NAV3: variants seen among roughly 807,000 people sequenced by gnomAD.
NAV3 encodes neuron navigator 3, also known as pore membrane and/or filament interacting like protein 1.
NAV3 carries 87 observed loss-of-function variants against 244.7 expected under a neutral mutation model. That is an observed-to-expected ratio of 0.36 (90% CI 0.30 to 0.42). NAV3 has a LOEUF of 0.42. Ranked by LOEUF, NAV3 falls within the 20% of genes least tolerant of loss-of-function variation. NAV3 has a pLI of 1.00. For missense variants in NAV3, 2,663 were observed against 2,893.3 expected, an observed-to-expected ratio of 0.92 and a Z score of 1.83; for synonymous variants, 1,126 against 1,042.2, an observed-to-expected ratio of 1.08 and a Z score of -1.55.
rs869100684 is a variant in NAV3 at position 77,976,662 on chromosome 12, C to CTTTTTTTTTTTTTTTTTTTTTT, written c.671+7963_671+7964insTTTTTTTTTTTTTTTTTTTTTT. 5.2e-5 allele frequency among the ~76,000 whole-genome samples: 4 copies of CTTTTTTTTTTTTTTTTTTTTTT among 77,400 alleles called. 1 individual carries two copies. Among genetic ancestry groups the CTTTTTTTTTTTTTTTTTTTTTT allele is most frequent in the Non-Finnish European group, 1.0e-4 (4 of 39,248 alleles). 50.8% of individuals were successfully genotyped at this position (77,400 alleles called of 152,430 possible). ...TACTGTATTCTTTCTTTCTTTCTTT[C>CTTTTTTTTTTTTTTTTTTTTTT]TTTCTTTTTTTCTTTTTTTTTTTTT... On this transcript the variant is annotated intron_variant, in intron 5 of 39. Coordinates refer to ENST00000397909, the MANE Select transcript of NAV3 (RefSeq NM_001024383.2).
rs771116649 is a variant in NAV3 at position 78,177,685 on chromosome 12, G to A, written c.5363G>A (p.Arg1788Gln). The change falls in exon 28 of 40, where the codon CGG becomes CAG. Residue 1788 changes from arginine (R) to glutamine (Q), a missense_variant and splice_region_variant. Transcript: ENST00000397909. ...NGPVIYKHRS[R>Q]ICECTEAEAE... ...CCTGTGATCTACAAGCATAGATCTC[G>A]GTAAAGTGGAGTGCGATGCATGAAT... The A allele has an allele frequency of 9.1e-5, 146 of 1,596,868 alleles. No individual in the cohort carries two copies. The East Asian group carries it at 2.8e-3, about 30-fold the overall frequency.
intron 12 of NAV3, among the ~76,000 whole-genome samples, chr12:78,110,829 T>A (rs534572975): frequency 1.3e-5 from 2 of 152,208 alleles, no homozygotes; most frequent in East Asian, 3.9e-4. Flanking sequence ...ATTGGAAGAC[T>A]ATCTGCCATT....
At chr12:78,178,611 CTG>C (rs1489952518) in intron 28 of NAV3, among the ~76,000 whole-genome samples, 1 of 152,086 alleles carries the variant, frequency 6.6e-6, no homozygotes, top group African/African-American at 2.4e-5. Flanking sequence ...AGATAATTCT[CTG>C]TGTTATTTAC....
chr12:77,706,686 C>A (rs1014510117), intron 2 of NAV3, among the ~76,000 whole-genome samples: 1 of 150,114 alleles, frequency 6.7e-6, no homozygotes, highest in Non-Finnish European at 1.5e-5. Flanking sequence ...CTGGCTAACA[C>A]GGTGAAACCC....
At chr12:77,748,856 G>C (rs971933185) in intron 2 of NAV3, among the ~76,000 whole-genome samples, 1 of 152,122 alleles carries the variant, frequency 6.6e-6, no homozygotes, top group Admixed American at 6.6e-5. Flanking sequence ...AACTTGCTAA[G>C]AGAAAAGAGC....
At chr12:78,123,261 A>G (rs990700724) in intron 16 of NAV3, among the ~76,000 whole-genome samples, 3 of 152,148 alleles carry the variant, frequency 2.0e-5, no homozygotes, top group African/African-American at 7.2e-5. Context: ...AGCTTTAAAC[A>G]TGGTCTTGGC....
chr12:77,879,554 A>G (rs1008654466), intron 1 of NAV3, among the ~76,000 whole-genome samples: 15 of 152,038 alleles, frequency 9.9e-5, no homozygotes, highest in East Asian at 5.9e-4. Context: ...GGACACCTAT[A>G]ATCCCAGCTA....
chr12:77,642,133 G>A (rs1370045189), intron 2 of NAV3, among the ~76,000 whole-genome samples: 1 of 152,002 alleles, frequency 6.6e-6, no homozygotes, highest in Non-Finnish European at 1.5e-5. Flanking sequence ...CACAAAGATT[G>A]GTCAACAGTA....
At chr12:77,874,922 A>G (rs1881627835) in intron 1 of NAV3, among the ~76,000 whole-genome samples, 1 of 152,110 alleles carries the variant, frequency 6.6e-6, no homozygotes, top group African/African-American at 2.4e-5. Flanking sequence ...AAACGTGTAC[A>G]GAAGTATACA....
chr12:77,635,804 A>G (rs1161780398), intron 2 of NAV3, among the ~76,000 whole-genome samples: 1 of 152,220 alleles, frequency 6.6e-6, no homozygotes, highest in African/African-American at 2.4e-5. Flanking sequence ...GGTAGGAACA[A>G]TTAGAATTCC....
At chr12:78,065,339 C>G (rs770806291) in intron 12 of NAV3, among the ~76,000 whole-genome samples, 5 of 152,054 alleles carry the variant, frequency 3.3e-5, no homozygotes, top group Non-Finnish European at 7.4e-5. Context: ...TGCCTGAGGC[C>G]GATTATGACA....
chr12:77,796,991 A>G (rs956883850), intron 2 of NAV3, among the ~76,000 whole-genome samples: 1 of 152,126 alleles, frequency 6.6e-6, no homozygotes, highest in Non-Finnish European at 1.5e-5. Context: ...TGAATTCTCA[A>G]AATCTCTGAG....
chr12:77,933,107 C>T (rs1014938666), intron 1 of NAV3, among the ~76,000 whole-genome samples: 14 of 152,032 alleles, frequency 9.2e-5, no homozygotes, highest in Non-Finnish European at 1.5e-4. Context: ...AATAAATTGA[C>T]TTCATAAGGG....
At chr12:77,619,772 T>C (rs1871290210) in intron 2 of NAV3, among the ~76,000 whole-genome samples, 1 of 152,166 alleles carries the variant, frequency 6.6e-6, no homozygotes, top group Non-Finnish European at 1.5e-5. Flanking sequence ...CTCACGTTTT[T>C]TTTTTAAAGC....
intron 22 of NAV3, among the ~76,000 whole-genome samples, chr12:78,153,544 C>G (rs1232689400): frequency 1.3e-5 from 2 of 152,034 alleles, no homozygotes; most frequent in Admixed American, 6.6e-5. Context: ...AGCCTCTGGC[C>G]TCTCGCCCAC....
chr12:77,886,628 A>G (rs1330931979), intron 1 of NAV3, among the ~76,000 whole-genome samples: 14 of 152,060 alleles, frequency 9.2e-5, no homozygotes, highest in Admixed American at 9.2e-4. Flanking sequence ...TTTTCCTGAT[A>G]TTCTTGCATT....
chr12:78,164,004 T>C (rs1207541830), intron 23 of NAV3, among the ~76,000 whole-genome samples: 1 of 152,084 alleles, frequency 6.6e-6, no homozygotes, highest in Non-Finnish European at 1.5e-5. Flanking sequence ...CTCAAATCAT[T>C]GTGCAGCTTA....
chr12:77,587,101 T>A (rs184045702), intron 2 of NAV3, among the ~76,000 whole-genome samples: 1 of 152,268 alleles, frequency 6.6e-6, no homozygotes, highest in African/African-American at 2.4e-5. Context: ...AAGCAATGAA[T>A]GAGATAATCA....
At chr12:78,100,114 A>C (rs1954465202) in intron 12 of NAV3, among the ~76,000 whole-genome samples, 1 of 151,980 alleles carries the variant, frequency 6.6e-6, no homozygotes, top group African/African-American at 2.4e-5. Context: ...GTCTCTATGA[A>C]TATTTCATGG....
Sources: gnomAD v4.1 joint callset for allele counts (sites outside exome capture counted in the v4.1 genomes callset) on GRCh38, gnomAD v4.1.1 for gene constraint, MANE v1.5 for transcripts, NCBI Gene and HGNC (gene_info 2026-07-23, HGNC 2026-07-21) for gene names.